Variants in DIPK1C observed in about 807,000 individuals in gnomAD.
The protein encoded by DIPK1C is familial non-conventional Alzheimer's dementia.
A neutral mutation model predicts 28.0 loss-of-function variants in DIPK1C; 33 were observed. The ratio of observed to expected loss-of-function variants is 1.18; its 90% CI spans 0.89 to 1.58. DIPK1C has a LOEUF of 1.58. Ranked by LOEUF, DIPK1C falls within the 40% of genes most tolerant of loss-of-function variation. DIPK1C has a pLI of 0.00. For synonymous variants in DIPK1C, 255 were observed against 248.8 expected (o/e 1.02, Z -0.23); for missense variants, 569 against 568.5 (o/e 1.00, Z -0.01).
At chr18:74,464,175 C>T in the DIPK1C span, among the ~76,000 whole-genome samples, 2 of 152,140 alleles carry the variant, frequency 1.3e-5, no homozygotes, top group African/African-American at 4.8e-5. Context: ...TTGGTGGCAG[C>T]TGGCCCCACT....
Position 74,451,003 on chromosome 18 carries a change from G to A in DIPK1C, c.199-3720C>T, listed in dbSNP as rs538025460. 4.6e-5 allele frequency among the ~76,000 whole-genome samples: 7 copies of A among 152,276 alleles called. No individual in the cohort carries two copies. In the South Asian group the frequency reaches 6.2e-4, roughly 14 times the overall value. ...GGGAGACAGTCCCAACACAGTGCCC[G>A]GCCTAAGGTGGCTCGCTCAAAGCTA... On this transcript the variant is annotated intron_variant, in intron 1 of 3. Coordinates refer to ENST00000343998, the MANE Select transcript of DIPK1C (RefSeq NM_001044369.3).
chr18:74,437,552 T>G (rs756771578), intron 3 of DIPK1C, among the ~76,000 whole-genome samples: 1 of 152,196 alleles, frequency 6.6e-6, no homozygotes, highest in Non-Finnish European at 1.5e-5. Context: ...TCAGACTCAA[T>G]TAACAAATGC....
At chr18:74,460,104 G>A (rs1986594663), upstream of DIPK1C, among the ~76,000 whole-genome samples, 1 of 152,194 alleles carries the variant, frequency 6.6e-6, no homozygotes, top group South Asian at 2.1e-4. Flanking sequence ...TCACCACAAG[G>A]GGAGAATCTG....
intron 1 of DIPK1C, 64 bp downstream of exon 1, chr18:74,456,998 G>C: frequency 7.5e-7 from 1 of 1,338,844 alleles, no homozygotes; most frequent in South Asian, 1.7e-5. Context: ...GCTGGGGACC[G>C]GGAGCGGGTG....
Position 74,446,649 on chromosome 18 carries a change from C to T in DIPK1C, c.833G>A (p.Cys278Tyr). 1 of 1,481,810 alleles carries T rather than the reference C, an allele frequency of 6.7e-7. No individual in the cohort carries two copies. The highest frequency in any genetic ancestry group is 1.4e-5 in the African/African-American group (1 of 70,534). 91.8% of individuals were successfully genotyped at this position (1,481,810 alleles called of 1,614,324 possible). A position where few individuals can be genotyped will look rare whatever the true frequency, so the allele number is the denominator to read the frequency against. ...GGCAAAGTTTTCCGGCTTGATGTCG[C>T]AGAGGTGGAGGCGGTGGGAAAAGTC... ...DSDFSHRLHLCDIKPENFAIR... is the reference protein window; with the variant it reads ...DSDFSHRLHLYDIKPENFAIR... The change falls in exon 2 of 4, where the codon TGC becomes TAC. Residue 278 changes from cysteine to tyrosine, a missense_variant. Coordinates refer to ENST00000343998, the MANE Select transcript of DIPK1C (RefSeq NM_001044369.3).
At chr18:74,456,022 A>T (rs188955124) in intron 1 of DIPK1C, among the ~76,000 whole-genome samples, 16 of 152,244 alleles carry the variant, frequency 1.1e-4, no homozygotes, top group Admixed American at 4.6e-4. Context: ...GCCCACCCAT[A>T]TGTAAGCAAC....
chr18:74,447,122 C>T lies in DIPK1C; in HGVS notation c.360G>A (p.Glu120=). The change falls in exon 2 of 4, where the codon GAG becomes GAA. Residue 120 remains glutamate (E), a synonymous_variant. Transcript: ENST00000343998. This position sits in a 1 kb window ranked among gnomAD's most constrained non-coding sequence, Gnocchi z 4.1. ...GRPVVLKSKE[E]AFSSFPPLSL... is the part of the protein sequence containing the mutation. The stretch of plus-strand genomic sequence containing the variant: ...TGAGGGGCGGGAAGCTGGAGAAGGC[C>T]TCCTCCTTGGACTTGAGGACCACGG... 1.9e-6 allele frequency: 3 copies of T among 1,550,542 alleles called. No homozygotes were observed. The highest frequency in any genetic ancestry group is 2.6e-6 in the Non-Finnish European group (3 of 1,146,962).
chr18:74,452,607 A>T (rs1986423654), intron 1 of DIPK1C, among the ~76,000 whole-genome samples: 1 of 151,312 alleles, frequency 6.6e-6, no homozygotes, highest in Non-Finnish European at 1.5e-5. Context: ...AAAAAAAAAA[A>T]TTAGCTGGGC....
intron 1 of DIPK1C, among the ~76,000 whole-genome samples, chr18:74,456,580 G>C (rs892029626): frequency 6.6e-6 from 1 of 152,190 alleles, no homozygotes; most frequent in African/African-American, 2.4e-5. Flanking sequence ...GGTGAGATAG[G>C]GGGTGACCTG....
chr18:74,456,990 TG>T, intron 1 of DIPK1C, 71 bp downstream of exon 1: 1 of 1,322,546 alleles, frequency 7.6e-7, no homozygotes, highest in Non-Finnish European at 9.7e-7. Flanking sequence ...CCGGGAAGGC[TG>T]GGGACCGGGA....
At chr18:74,457,317 G>C (rs1189315882), upstream of DIPK1C, 1 of 971,696 alleles carries the variant, frequency 1.0e-6, no homozygotes, top group Non-Finnish European at 1.2e-6. Flanking sequence ...TTCCGCACTC[G>C]CGTAGCTGCT....
upstream of DIPK1C, among the ~76,000 whole-genome samples, chr18:74,462,735 C>T (rs756785605): frequency 1.5e-4 from 23 of 152,050 alleles, no homozygotes; most frequent in Middle Eastern, 3.4e-3. Flanking sequence ...CTATCAGCCA[C>T]GTCTAAGGAT....
chr18:74,449,729 G>A (rs1172525914), intron 1 of DIPK1C, among the ~76,000 whole-genome samples: 1 of 152,162 alleles, frequency 6.6e-6, no homozygotes, highest in African/African-American at 2.4e-5. Context: ...ATTTGCCTGG[G>A]GCTGACTTTA....
At chr18:74,440,766 G>T (rs1435528122) in intron 3 of DIPK1C, among the ~76,000 whole-genome samples, 1 of 152,210 alleles carries the variant, frequency 6.6e-6, no homozygotes, top group Non-Finnish European at 1.5e-5. Context: ...TTTGAGGGTT[G>T]GGATCGCAAG....
intron 3 of DIPK1C, among the ~76,000 whole-genome samples, chr18:74,440,501 A>G (rs1340077112): frequency 6.6e-6 from 1 of 152,220 alleles, no homozygotes; most frequent in Non-Finnish European, 1.5e-5. Context: ...GCATTTAAAG[A>G]ACTATTCCCA....
intron 1 of DIPK1C, among the ~76,000 whole-genome samples, chr18:74,455,039 A>T (rs1181803575): frequency 6.6e-6 from 1 of 152,184 alleles, no homozygotes; most frequent in East Asian, 1.9e-4. Flanking sequence ...TTCTTTTGGC[A>T]ATAGGAAAGA....
At chr18:74,451,704 C>T (rs540041609) in intron 1 of DIPK1C, among the ~76,000 whole-genome samples, 19 of 152,300 alleles carry the variant, frequency 1.2e-4, no homozygotes, top group South Asian at 2.1e-4. Context: ...CTGCTTCTTG[C>T]GGCGACACTG....
rs1985964644 is a variant in DIPK1C at position 74,435,375 on chromosome 18, C to T, written c.*1126G>A. On this transcript the variant is annotated 3_prime_UTR_variant, in exon 4 of 4. Transcript: ENST00000343998. The stretch of plus-strand genomic sequence containing the variant: ...TCACTGGCTTCACCTGGCCTGTCCC[C>T]CTGCCTGTATTTTGCTGGAAAAGCC... 1 of 152,226 alleles carries T rather than the reference C, an allele frequency of 6.6e-6. No individual in the cohort carries two copies. The highest frequency in any genetic ancestry group is 1.5e-5 in the Non-Finnish European group (1 of 68,064). 9.4% of individuals were successfully genotyped at this position (152,226 alleles called of 1,614,324 possible). A position where few individuals can be genotyped will look rare whatever the true frequency, so the allele number is the denominator to read the frequency against.
rs1985978118 is a variant in DIPK1C, at chr18:74,435,939, ACACACTCATT to A, written c.*552_*561del. The A allele has an allele frequency of 6.5e-6, 1 of 154,486 alleles. No individual in the cohort carries two copies. Among genetic ancestry groups the A allele is most frequent in the African/African-American group, 2.7e-5 (1 of 37,644 alleles). The allele number at this position is 154,486 out of a possible 1,614,324, so 9.6% of individuals were successfully genotyped here. ...TGCTGACACCCGTGCACTCATGTGC[ACACACTCATT>A]CACACTCATACATATTCACACTCAG... On this transcript the variant is annotated 3_prime_UTR_variant, in exon 4 of 4. Transcript: ENST00000343998.
Sources: gnomAD v4.1 joint callset for allele counts (sites outside exome capture counted in the v4.1 genomes callset) on GRCh38, gnomAD v4.1.1 for gene constraint, Gnocchi (gnomAD v3.1) non-coding constraint, MANE v1.5 for transcripts, NCBI Gene and HGNC (gene_info 2026-07-23, HGNC 2026-07-21) for gene names.